The following CTNNA2 variants were observed in gnomAD, a reference collection of about 807,000 sequenced individuals.
CTNNA2 encodes the protein catenin alpha-2.
CTNNA2 carries 42 observed loss-of-function variants against 101.0 expected under a neutral mutation model. That is an observed-to-expected ratio of 0.42 (90% CI 0.32 to 0.54). The LOEUF (loss-of-function observed/expected upper bound fraction) is 0.54. Ranked by LOEUF, CTNNA2 falls within the 20% of genes least tolerant of loss-of-function variation. CTNNA2 has a pLI of 0.14. For synonymous variants in CTNNA2, 450 were observed against 456.4 expected, an observed-to-expected ratio of 0.99 and a Z score of 0.18; for missense variants, 871 against 1,223.1, an observed-to-expected ratio of 0.71 and a Z score of 4.29.
At chr2:79,342,377 T>A (rs1677157420) in intron 3 of CTNNA2, among the ~76,000 whole-genome samples, 1 of 152,196 alleles carries the variant, frequency 6.6e-6, no homozygotes. Flanking sequence ...CAGAGAAGAT[T>A]GCCTGATAGA....
intron 9 of CTNNA2, among the ~76,000 whole-genome samples, chr2:80,530,852 G>A (rs2149594358): frequency 6.6e-6 from 1 of 152,328 alleles, no homozygotes; most frequent in African/African-American, 2.4e-5. Context: ...CATGGAAAAA[G>A]GGAGCTGTGC....
intron 2 of CTNNA2, among the ~76,000 whole-genome samples, chr2:79,679,420 G>A (rs995404241): frequency 1.2e-4 from 18 of 151,936 alleles, no homozygotes; most frequent in Admixed American, 6.6e-5. Flanking sequence ...CCATGTCCCC[G>A]AGCCCTTTTT....
At chr2:79,492,233 T>G (rs1671212480) in intron 4 of CTNNA2, among the ~76,000 whole-genome samples, 1 of 151,970 alleles carries the variant, frequency 6.6e-6, no homozygotes, top group Non-Finnish European at 1.5e-5. Flanking sequence ...GAACTCTAAT[T>G]TTAGAATTTG....
chr2:80,467,885 G>T (rs2149481521), intron 9 of CTNNA2, among the ~76,000 whole-genome samples: 1 of 152,206 alleles, frequency 6.6e-6, no homozygotes, highest in Non-Finnish European at 1.5e-5. Context: ...TCTTGACCCT[G>T]GACTTCCCAG....
intron 2 of CTNNA2, among the ~76,000 whole-genome samples, chr2:79,700,153 A>G (rs1187856309): frequency 3.9e-5 from 6 of 152,048 alleles, no homozygotes; most frequent in Non-Finnish European, 8.8e-5. Context: ...GCAATTAACT[A>G]ATCTTGCTAG....
At chr2:79,365,631 A>G (rs997003163) in intron 3 of CTNNA2, among the ~76,000 whole-genome samples, 3 of 151,958 alleles carry the variant, frequency 2.0e-5, no homozygotes, top group Non-Finnish European at 4.4e-5. Flanking sequence ...CTAAAAAAAA[A>G]AAAGGAGAAA....
intron 9 of CTNNA2, among the ~76,000 whole-genome samples, chr2:80,460,093 A>C (rs570022608): frequency 2.6e-5 from 4 of 152,288 alleles, no homozygotes; most frequent in Admixed American, 2.6e-4. Context: ...TTAAACTCTT[A>C]AGACTCTATA....
intron 9 of CTNNA2, among the ~76,000 whole-genome samples, chr2:80,540,032 T>G (rs1691408462): frequency 1.3e-5 from 2 of 152,282 alleles, no homozygotes; most frequent in Non-Finnish European, 2.9e-5. Flanking sequence ...TTCAAAATTC[T>G]ATCAGATTTA....
intron 7 of CTNNA2, among the ~76,000 whole-genome samples, chr2:80,326,622 C>T (rs1273489746): frequency 2.0e-5 from 3 of 151,874 alleles, no homozygotes; most frequent in Non-Finnish European, 4.4e-5. Flanking sequence ...AACAAAATCA[C>T]AAATTAGCCA....
chr2:79,519,789 A>C (rs1468653750), intron 1 of CTNNA2, among the ~76,000 whole-genome samples: 1 of 152,130 alleles, frequency 6.6e-6, no homozygotes, highest in Admixed American at 6.5e-5. Context: ...GTCTTTTCTT[A>C]TCTCTCCATC....
At chr2:80,067,246 A>G (rs934457599) in intron 7 of CTNNA2, among the ~76,000 whole-genome samples, 2 of 152,270 alleles carry the variant, frequency 1.3e-5, no homozygotes, top group Admixed American at 6.5e-5. Flanking sequence ...AAAAAAATGA[A>G]AAGTATGTGA....
chr2:79,386,725 A>C (rs1374130610), intron 4 of CTNNA2, among the ~76,000 whole-genome samples: 1 of 152,178 alleles, frequency 6.6e-6, no homozygotes, highest in East Asian at 1.9e-4. Flanking sequence ...TTCTCCCTTA[A>C]ATGTATTGTA....
At position 79,529,266 on chromosome 2, in the gene CTNNA2, A is replaced by G. The variant is rs571844502; in HGVS notation, c.-6+16059A>G. ...TATACAGAAGCAAGAAGACTTAGGA[A>G]CCATCTGAATGTGAGATTCAGGACA... is the stretch of plus-strand genomic sequence containing the variant. On this transcript the variant is annotated intron_variant, in intron 1 of 18. Coordinates refer to ENST00000402739, the MANE Select transcript of CTNNA2 (RefSeq NM_001282597.3). 2.6e-5 allele frequency among the ~76,000 whole-genome samples: 4 copies of G among 152,262 alleles called. No homozygotes were observed. The East Asian group carries it at 7.7e-4, about 29-fold the overall frequency.
intron 14 of CTNNA2, among the ~76,000 whole-genome samples, chr2:80,584,547 GT>G (rs1410668967): frequency 6.6e-6 from 1 of 151,826 alleles, no homozygotes; most frequent in East Asian, 1.9e-4. Context: ...AATATAAACT[GT>G]TTCTCCACAG....
chr2:80,637,290 G>A (rs1672981595), intron 18 of CTNNA2, among the ~76,000 whole-genome samples: 1 of 152,152 alleles, frequency 6.6e-6, no homozygotes, highest in African/African-American at 2.4e-5. Flanking sequence ...TATAATACTA[G>A]AAAGTGCTAT....
At chr2:80,282,992 G>A (rs1674502439) in intron 7 of CTNNA2, among the ~76,000 whole-genome samples, 1 of 152,012 alleles carries the variant, frequency 6.6e-6, no homozygotes, top group African/African-American at 2.4e-5. Context: ...ATGACAAGTT[G>A]CAATTTTTCT....
chr2:80,061,688 C>T (rs1371731750), intron 7 of CTNNA2, among the ~76,000 whole-genome samples: 1 of 152,144 alleles, frequency 6.6e-6, no homozygotes, highest in East Asian at 1.9e-4. Flanking sequence ...TCTATCATTA[C>T]ATTTTACCAA....
chr2:80,583,421 T>C (rs1333523809), intron 14 of CTNNA2, among the ~76,000 whole-genome samples: 1 of 152,170 alleles, frequency 6.6e-6, no homozygotes, highest in Admixed American at 6.6e-5. Context: ...AACTTGAAAA[T>C]CTTTTGACTC....
chr2:79,575,318 T>C (rs1051218444), intron 1 of CTNNA2: 2 of 152,184 alleles, frequency 1.3e-5, no homozygotes, highest in African/African-American at 4.8e-5. Context: ...ATAAACAAAA[T>C]AAAACAACCT....
Sources: allele counts gnomAD v4.1 joint callset (sites outside exome capture counted in the v4.1 genomes callset), GRCh38; gene constraint gnomAD v4.1.1; transcripts MANE v1.5; gene names NCBI Gene and HGNC (gene_info 2026-07-23, HGNC 2026-07-21).